The following SLC44A5 variants were observed in gnomAD, a reference collection of about 807,000 sequenced individuals.
SLC44A5 encodes choline transporter-like protein 5.
In SLC44A5, 57 loss-of-function variants were observed where a neutral mutation model predicts 101.8. The observed-to-expected ratio is 0.56, with a 90% CI of 0.45 to 0.70. The LOEUF is 0.70. SLC44A5 is among the 30% of genes least tolerant of loss of function. The pLI is 0.00. For missense variants in SLC44A5, 737 were observed against 853.1 expected (o/e 0.86, Z 1.70); for synonymous variants, 281 against 290.9 (o/e 0.97, Z 0.35).
At chr1:75,258,593 G>T (rs1650220451) in intron 6 of SLC44A5, among the ~76,000 whole-genome samples, 1 of 152,130 alleles carries the variant, frequency 6.6e-6, no homozygotes, top group Admixed American at 6.5e-5. Context: ...GGCGGTCGGG[G>T]GTCCAGCTTC....
intron 15 of SLC44A5, among the ~76,000 whole-genome samples, chr1:75,219,588 T>C (rs566365618): frequency 6.6e-6 from 1 of 152,246 alleles, no homozygotes; most frequent in African/African-American, 2.4e-5. Flanking sequence ...AGCAGTATCA[T>C]GTGGAGACAA....
chr1:75,318,373 AAGAAAG>A (rs1655865411), intron 4 of SLC44A5, among the ~76,000 whole-genome samples: 3 of 1,602 alleles, frequency 1.9e-3, no homozygotes, highest in African/African-American at 4.7e-3. Flanking sequence ...CATCTCTTGA[AAGAAAG>A]AAAGAAAGAA....
rs190384531 is a variant in SLC44A5, at chr1:75,388,241, A to G, written c.52+8342T>C. 1.9e-4 allele frequency among the ~76,000 whole-genome samples: 29 copies of G among 149,134 alleles called. 1 individual carries two copies. The East Asian group carries it at 5.9e-3, about 30-fold the overall frequency. ...AAATAAATAAATAAATAAATCCAAA[A>G]AAAAACAGTATTAAAAAAAAAAAAA... On this transcript the variant is annotated intron_variant, in intron 3 of 23. Transcript: ENST00000370859.
intron 6 of SLC44A5, among the ~76,000 whole-genome samples, chr1:75,273,265 G>A (rs972759459): frequency 1.3e-5 from 2 of 151,988 alleles, no homozygotes; most frequent in South Asian, 2.1e-4. Flanking sequence ...TTCATTTATC[G>A]GGTCTAGGAG....
intron 2 of SLC44A5, among the ~76,000 whole-genome samples, chr1:75,458,670 C>G (rs1666325469): frequency 6.6e-6 from 1 of 152,068 alleles, no homozygotes; most frequent in African/African-American, 2.4e-5. Context: ...GAAAAGGAAT[C>G]AAGGATACTA....
At chr1:75,466,442 G>A (rs1666820795) in intron 2 of SLC44A5, among the ~76,000 whole-genome samples, 1 of 151,968 alleles carries the variant, frequency 6.6e-6, no homozygotes, top group African/African-American at 2.4e-5. Flanking sequence ...GGATCACGAG[G>A]TCAGGAGTTT....
At chr1:75,672,900 A>G in the SLC44A5 span, among the ~76,000 whole-genome samples, 12 of 152,122 alleles carry the variant, frequency 7.9e-5, no homozygotes, top group African/African-American at 2.7e-4. Context: ...TCCTGGCAAG[A>G]TTAATAACCA....
At chr1:75,494,600 T>C (rs1668578604) in intron 2 of SLC44A5, among the ~76,000 whole-genome samples, 1 of 152,168 alleles carries the variant, frequency 6.6e-6, no homozygotes, top group Non-Finnish European at 1.5e-5. Context: ...GGAGTTGGCC[T>C]ACCTGTCTAG....
intron 1 of SLC44A5, among the ~76,000 whole-genome samples, chr1:75,565,695 G>A (rs1476792074): frequency 6.6e-6 from 1 of 152,124 alleles, no homozygotes; most frequent in Non-Finnish European, 1.5e-5. Context: ...TACTCATTTT[G>A]CAAATCATTT....
chr1:75,677,676 C>T, the SLC44A5 span: 31 of 409,926 alleles, frequency 7.6e-5, no homozygotes, highest in South Asian at 3.6e-4. Context: ...AATAAAAAAA[C>T]GTAGAGTAAC....
intron 3 of SLC44A5, among the ~76,000 whole-genome samples, chr1:75,351,841 T>A (rs1570748206): frequency 7.7e-4 from 3 of 3,910 alleles, no homozygotes; most frequent in Non-Finnish European, 9.6e-4. Context: ...AATAACACAC[T>A]TTACCAAAAA....
chr1:75,488,147 T>C (rs1668250733), intron 2 of SLC44A5, among the ~76,000 whole-genome samples: 1 of 152,194 alleles, frequency 6.6e-6, no homozygotes, highest in African/African-American at 2.4e-5. Context: ...TACATGATGA[T>C]GAGTTCTATA....
At chr1:75,516,146 T>C (rs1293451065) in intron 2 of SLC44A5, among the ~76,000 whole-genome samples, 1 of 152,258 alleles carries the variant, frequency 6.6e-6, no homozygotes, top group Non-Finnish European at 1.5e-5. Context: ...TCATCTATCT[T>C]TGCAGAAATA....
the SLC44A5 span, among the ~76,000 whole-genome samples, chr1:75,698,176 C>G: frequency 1.3e-5 from 2 of 152,226 alleles, no homozygotes; most frequent in Admixed American, 1.3e-4. Flanking sequence ...CTGCCTGCCT[C>G]TGTAGGTTCC....
At chr1:75,282,848 A>C (rs2100786982) in intron 5 of SLC44A5, among the ~76,000 whole-genome samples, 1 of 152,230 alleles carries the variant, frequency 6.6e-6, no homozygotes, top group South Asian at 2.1e-4. Flanking sequence ...CTGAACTGTG[A>C]GTTAATTAAA....
chr1:75,577,556 C>A (rs996928705), intron 1 of SLC44A5, among the ~76,000 whole-genome samples: 9 of 152,130 alleles, frequency 5.9e-5, no homozygotes, highest in Non-Finnish European at 1.3e-4. Flanking sequence ...TGAGCCCTTC[C>A]CTAAATACCT....
chr1:75,708,413 C>CA, the SLC44A5 span, among the ~76,000 whole-genome samples: 21,284 of 38,872 alleles, frequency 0.55, 8,014 homozygotes, highest in East Asian at 0.79. Flanking sequence ...GACTCCGTCT[C>CA]AAAAAAAAAA....
At chr1:75,214,070 T>C in intron 20 of SLC44A5, 81 bp from the exon 21 acceptor site, 1 of 901,092 alleles carries the variant, frequency 1.1e-6, no homozygotes, top group African/African-American at 1.7e-5. Flanking sequence ...TAAATTTTCA[T>C]GAGTTTATTT....
intron 4 of SLC44A5, among the ~76,000 whole-genome samples, chr1:75,312,515 G>C (rs1156297453): frequency 6.6e-6 from 1 of 151,976 alleles, no homozygotes; most frequent in Non-Finnish European, 1.5e-5. Context: ...GCGGGGATGG[G>C]GGGTGTTACA....
Sources: gnomAD v4.1 joint callset for allele counts (sites outside exome capture counted in the v4.1 genomes callset) on GRCh38, gnomAD v4.1.1 for gene constraint, MANE v1.5 for transcripts, NCBI Gene and HGNC (gene_info 2026-07-23, HGNC 2026-07-21) for gene names.